Variants in MYO3A observed in about 807,000 individuals in gnomAD.
MYO3A encodes myosin IIIA.
Under a neutral mutation model 192.7 loss-of-function variants are expected in MYO3A, and 180 were observed. The observed-to-expected ratio is 0.93, with a 90% CI of 0.83 to 1.06. The LOEUF is 1.06. Ranked by LOEUF, MYO3A falls within the 50% of genes least tolerant of loss-of-function variation. MYO3A has a pLI of 0.00. For synonymous variants in MYO3A, 628 were observed against 645.3 expected (o/e 0.97, Z 0.41); for missense variants, 1,896 against 1,905.0 (o/e 1.00, Z 0.09).
chr10:26,086,560 GC>G (rs1353237908), intron 14 of MYO3A, among the ~76,000 whole-genome samples: 1 of 151,990 alleles, frequency 6.6e-6, no homozygotes, highest in Non-Finnish European at 1.5e-5. Context: ...TGACCTAGTG[GC>G]TTAATATAAC....
At chr10:25,935,567 T>C (rs1007501406) in intron 1 of MYO3A, among the ~76,000 whole-genome samples, 177 bp from the exon 2 acceptor site, 5 of 152,194 alleles carry the variant, frequency 3.3e-5, no homozygotes, top group African/African-American at 1.2e-4. Flanking sequence ...GCATATGAAA[T>C]GAGGGGCTTT....
intron 17 of MYO3A, among the ~76,000 whole-genome samples, chr10:26,115,498 A>G (rs1838447107): frequency 1.3e-5 from 2 of 152,210 alleles, no homozygotes; most frequent in African/African-American, 4.8e-5. Context: ...ACCTATATCT[A>G]GATTTTTTCT....
intron 30 of MYO3A, among the ~76,000 whole-genome samples, chr10:26,176,163 A>G (rs1438141286): frequency 1.3e-5 from 2 of 152,066 alleles, no homozygotes; most frequent in Non-Finnish European, 2.9e-5. Context: ...GCGTGGTGGC[A>G]GGCACCTGTA....
At chr10:26,158,349 C>T (rs1841274916) in intron 26 of MYO3A, among the ~76,000 whole-genome samples, 1 of 151,484 alleles carries the variant, frequency 6.6e-6, no homozygotes, top group African/African-American at 2.4e-5. Context: ...GCTTCCCAGG[C>T]TCATGCCATT....
At chr10:25,974,582 G>C (rs748393568) in intron 4 of MYO3A, among the ~76,000 whole-genome samples, 4 of 152,184 alleles carry the variant, frequency 2.6e-5, no homozygotes, top group Non-Finnish European at 4.4e-5. Flanking sequence ...ACATCTCTTA[G>C]AGTGACACCT....
chr10:26,013,428 A>G (rs932810390), intron 6 of MYO3A, among the ~76,000 whole-genome samples: 1 of 152,028 alleles, frequency 6.6e-6, no homozygotes, highest in African/African-American at 2.4e-5. Context: ...TTACCAATAA[A>G]AAAAAAGTCC....
chr10:26,139,119 G>A (rs982209308), intron 20 of MYO3A, among the ~76,000 whole-genome samples: 1 of 152,160 alleles, frequency 6.6e-6, no homozygotes, highest in African/African-American at 2.4e-5. Context: ...TAAGTATGTA[G>A]TATGTGCTAA....
At chr10:26,039,791 G>A (rs1203291167) in intron 10 of MYO3A, among the ~76,000 whole-genome samples, 2 of 151,892 alleles carry the variant, frequency 1.3e-5, no homozygotes, top group African/African-American at 4.8e-5. Flanking sequence ...TCTGGCTAAA[G>A]GTTTGTCAAT....
chr10:26,102,693 C>CTG (rs1837538997), intron 17 of MYO3A, among the ~76,000 whole-genome samples: 1 of 152,196 alleles, frequency 6.6e-6, no homozygotes, highest in African/African-American at 2.4e-5. Flanking sequence ...CTGGGTATCA[C>CTG]CAGCGGAGGC....
chr10:26,153,735 G>T (rs1840935590), intron 23 of MYO3A, 115 bp from the exon 24 acceptor site: 2 of 695,930 alleles, frequency 2.9e-6, no homozygotes, highest in African/African-American at 3.6e-5. Flanking sequence ...CCAAGCATAT[G>T]ATTATGAATA....
At chr10:26,058,244 T>G (rs558739277) in intron 10 of MYO3A, among the ~76,000 whole-genome samples, 2 of 152,212 alleles carry the variant, frequency 1.3e-5, no homozygotes, top group South Asian at 4.1e-4. Flanking sequence ...ATATATGTAG[T>G]TTTTTCAGAT....
chr10:26,081,139 C>G lies in MYO3A; in HGVS notation c.1360-7064C>G, dbSNP rs545739879. ...TCCCAAGATTATATGCCCTTCCCCCCCCCCCCGCCCCCGCTACCAGGGTGG... is the reference window on the plus strand; with the variant it reads ...TCCCAAGATTATATGCCCTTCCCCCGCCCCCCGCCCCCGCTACCAGGGTGG... On this transcript the variant is annotated intron_variant, in intron 14 of 34. Transcript: ENST00000642920. Among the ~76,000 whole-genome samples the G allele has an allele frequency of 2.3e-4, 24 of 106,222 alleles. 2 individuals are homozygous for G. The highest frequency in any genetic ancestry group is 2.9e-4 in the Non-Finnish European group (12 of 41,760). The allele number at this position is 106,222 out of a possible 152,430, so 69.7% of individuals were successfully genotyped here.
At chr10:25,986,563 C>A (rs1471535348) in intron 4 of MYO3A, among the ~76,000 whole-genome samples, 1 of 152,126 alleles carries the variant, frequency 6.6e-6, no homozygotes, top group African/African-American at 2.4e-5. Context: ...ATGCCAACAG[C>A]AGCTAAGTGG....
intron 29 of MYO3A, 135 bp downstream of exon 29, chr10:26,170,674 C>A: frequency 2.2e-6 from 2 of 923,084 alleles, no homozygotes; most frequent in Non-Finnish European, 3.3e-6. Flanking sequence ...AGTGAACACC[C>A]AGAGGCTACT....
chr10:26,090,859 G>A (rs1336735423), intron 15 of MYO3A, among the ~76,000 whole-genome samples: 2 of 152,228 alleles, frequency 1.3e-5, no homozygotes, highest in Non-Finnish European at 2.9e-5. Context: ...ACAGGGGTGA[G>A]GAGCCATGGC....
At chr10:26,106,517 T>A (rs1837810205) in intron 17 of MYO3A, among the ~76,000 whole-genome samples, 1 of 152,134 alleles carries the variant, frequency 6.6e-6, no homozygotes, top group Non-Finnish European at 1.5e-5. Context: ...TGTGCTTAGA[T>A]CATCTAAGAC....
intron 17 of MYO3A, among the ~76,000 whole-genome samples, chr10:26,102,672 A>G (rs1292945887): frequency 6.6e-6 from 1 of 152,154 alleles, no homozygotes; most frequent in East Asian, 1.9e-4. Flanking sequence ...TCCCCTCCAG[A>G]CCCTGTTTGT....
At chr10:26,035,283 G>A (rs571746210) in intron 10 of MYO3A, among the ~76,000 whole-genome samples, 2 of 152,200 alleles carry the variant, frequency 1.3e-5, no homozygotes, top group Non-Finnish European at 2.9e-5. Flanking sequence ...GCTTTTTAAC[G>A]TGGTCTCCAG....
chr10:26,003,540 A>C (rs1292559229), intron 6 of MYO3A, among the ~76,000 whole-genome samples: 9 of 152,232 alleles, frequency 5.9e-5, no homozygotes, highest in African/African-American at 2.4e-5. Flanking sequence ...CAGATACCTC[A>C]GAGAGCAAAA....
Sources: gnomAD v4.1 joint callset for allele counts (sites outside exome capture counted in the v4.1 genomes callset) on GRCh38, gnomAD v4.1.1 for gene constraint, MANE v1.5 for transcripts, NCBI Gene and HGNC (gene_info 2026-07-23, HGNC 2026-07-21) for gene names.